PAOX: variants seen among roughly 807,000 people sequenced by gnomAD.
The protein encoded by PAOX is peroxisomal N(1)-acetyl-spermine/spermidine oxidase.
PAOX carries 38 observed loss-of-function variants against 39.0 expected under a neutral mutation model. That is an observed-to-expected ratio of 0.97 (90% CI 0.75 to 1.28). The LOEUF (loss-of-function observed/expected upper bound fraction) is 1.28. Ranked by LOEUF, PAOX falls within the 50% of genes most tolerant of loss-of-function variation. The pLI is 0.00. For synonymous variants in PAOX, 311 were observed against 314.4 expected (o/e 0.99, Z 0.11); for missense variants, 667 against 685.7 (o/e 0.97, Z 0.30).
intron 3 of PAOX, 137 bp downstream of exon 3, chr10:133,381,796 G>A: frequency 1.2e-6 from 1 of 835,716 alleles, no homozygotes; most frequent in Non-Finnish European, 1.8e-6. Flanking sequence ...ATAGGTGGAA[G>A]GAATGATTCT....
rs138148003 is a variant in PAOX, at chr10:133,391,329, G to C, written c.1410G>C (p.Ala470=). 6 of 1,613,338 alleles carry C rather than the reference G, an allele frequency of 3.7e-6. No individual in the cohort carries two copies. The highest frequency in any genetic ancestry group is 3.4e-6 in the Non-Finnish European group (4 of 1,179,906). The part of the protein sequence containing the change: ...GAGAQLQILF[A]GEATHRTFYS... ...CTTTGCAGCTCCAGATCCTGTTTGC[G>C]GGGGAAGCCACACATCGCACGTTTT... Residue 470 remains alanine, a synonymous_variant, in exon 7 of 7, where the codon GCG becomes GCC. Coordinates refer to ENST00000278060, the MANE Select transcript of PAOX (RefSeq NM_152911.4).
chr10:133,387,798 G>A (rs1052740925), intron 4 of PAOX, among the ~76,000 whole-genome samples: 2 of 152,168 alleles, frequency 1.3e-5, no homozygotes, highest in African/African-American at 4.8e-5. Context: ...TTGGCTCACC[G>A]CAACCTCCAC....
chr10:133,379,820 C>A, intron 1 of PAOX, 179 bp from the exon 2 acceptor site: 1 of 774,134 alleles, frequency 1.3e-6, no homozygotes, highest in Non-Finnish European at 1.9e-6. Flanking sequence ...GCCCTCCTGC[C>A]CAGGTGCTCC....
rs1022149653 is a variant in PAOX, at chr10:133,384,276, C to T, written c.1121+64C>T. ...TCATAGGCCTTCATCTGATGGAGGA[C>T]GCAGCAGTGTGTCTGTTCACTGCAG... On this transcript the variant is annotated intron_variant, in intron 4 of 6. Coordinates refer to ENST00000278060, the MANE Select transcript of PAOX (RefSeq NM_152911.4). The surrounding 1 kb of genome is among the most constrained non-coding windows in gnomAD (Gnocchi z 4.3). 141 of 1,581,628 alleles carry T rather than the reference C, an allele frequency of 8.9e-5. No homozygotes were observed. The highest frequency in any genetic ancestry group is 1.1e-4 in the Non-Finnish European group (126 of 1,161,386).
At chr10:133,379,855 CTGCCCTGGGGGACCACAGGGCCCT>C in intron 1 of PAOX, 120 bp from the exon 2 acceptor site, 1 of 1,139,758 alleles carries the variant, frequency 8.8e-7, no homozygotes, top group Non-Finnish European at 1.2e-6. Flanking sequence ...TGACAGGGCC[CTGCCCTGGGGGACCACAGGGCCCT>C]TGGGGACAGT....
Position 133,391,412 on chromosome 10 carries a change from G to A in PAOX, c.1493G>A (p.Ser498Asn). 6.2e-7 allele frequency: 1 copy of A among 1,612,970 alleles called. No homozygotes were observed. The highest frequency in any genetic ancestry group is 8.5e-7 in the Non-Finnish European group (1 of 1,179,982). ...SGWREADRLL[S>N]LWAPQVQQPR... ...TGGAGGGAGGCCGACCGCCTCCTCA[G>A]TCTGTGGGCCCCGCAGGTGCAGCAG... The change falls in exon 7 of 7, where the codon AGT (serine) becomes AAT (asparagine). Residue 498 changes from serine (S) to asparagine (N), a missense_variant. Physicochemically the swap from Ser to Asn is conservative, Grantham distance 46. Coordinates refer to ENST00000278060, the MANE Select transcript of PAOX (RefSeq NM_152911.4).
Position 133,389,579 on chromosome 10 carries a change from C to T in PAOX, c.1235-11C>T. 1 of 1,613,958 alleles carries T rather than the reference C, an allele frequency of 6.2e-7. No homozygotes were observed. The highest frequency in any genetic ancestry group is 8.5e-7 in the Non-Finnish European group (1 of 1,180,004). On this transcript the variant is annotated splice_polypyrimidine_tract_variant and intron_variant, in intron 5 of 6. Transcript: ENST00000278060. The stretch of plus-strand genomic sequence containing the variant: ...AGTTCTCGGTTAACATGCAGTGTCT[C>T]TGTGGCTCAGGAAACCCACGGCTCC...
chr10:133,389,363 TC>T (rs1849607228), intron 5 of PAOX, among the ~76,000 whole-genome samples: 1 of 152,122 alleles, frequency 6.6e-6, no homozygotes, highest in African/African-American at 2.4e-5. Flanking sequence ...CTGTCACAGC[TC>T]CCGGGTCCCG....
rs1849599819 is a variant in PAOX at position 133,389,047 on chromosome 10, C to G, written c.1213C>G (p.Gln405Glu). 1 of 1,613,900 alleles carries G rather than the reference C, an allele frequency of 6.2e-7. No homozygotes were observed. The highest frequency in any genetic ancestry group is 8.5e-7 in the Non-Finnish European group (1 of 1,179,764). ...SDEEVLLCLT[Q>E]VLRRVTGNPR... ...TGAAGAAGTACTTCTGTGTCTCACCCAAGTGCTCCGGAGAGTGACAGGTAG... is the reference window on the plus strand; with the variant it reads ...TGAAGAAGTACTTCTGTGTCTCACCGAAGTGCTCCGGAGAGTGACAGGTAG... The change falls in exon 5 of 7, where the codon CAA (glutamine) becomes GAA (glutamate). Residue 405 changes from glutamine (Q) to glutamate (E), a missense_variant. By Grantham distance (29) the Gln-to-Glu change is conservative. Transcript: ENST00000278060.
intron 6 of PAOX, among the ~76,000 whole-genome samples, chr10:133,390,652 G>T (rs1005356839): frequency 3.9e-5 from 6 of 152,198 alleles, no homozygotes; most frequent in Admixed American, 2.0e-4. Context: ...TCCTCAATAT[G>T]ATCCAATATT....
rs1399746423 is a variant in PAOX at position 133,391,386 on chromosome 10, A to G, written c.1467A>G (p.Gly489=). 1 of 1,613,218 alleles carries G rather than the reference A, an allele frequency of 6.2e-7. No homozygotes were observed. The highest frequency in any genetic ancestry group is 8.5e-7 in the Non-Finnish European group (1 of 1,180,036). The change falls in exon 7 of 7, where the codon GGA becomes GGG. Residue 489 remains glycine (G), a synonymous_variant. Coordinates refer to ENST00000278060, the MANE Select transcript of PAOX (RefSeq NM_152911.4). ...YSTTHGALLS[G]WREADRLLSL... Reference sequence around the variant, plus strand: ...CGACGCACGGGGCTCTGCTGTCGGGATGGAGGGAGGCCGACCGCCTCCTCA... The same window carrying G: ...CGACGCACGGGGCTCTGCTGTCGGGGTGGAGGGAGGCCGACCGCCTCCTCA...
chr10:133,390,813 A>G (rs527619744), intron 6 of PAOX: 4 of 592,078 alleles, frequency 6.8e-6, no homozygotes, highest in Admixed American at 2.9e-5. Flanking sequence ...TGCCCACCCG[A>G]CTCCCAGATC....
Position 133,380,119 on chromosome 10 carries a change from T to C in PAOX, c.302T>C (p.Leu101Pro). The C allele has an allele frequency of 6.3e-7, 1 of 1,576,916 alleles. No homozygotes were observed. The highest frequency in any genetic ancestry group is 8.6e-7 in the Non-Finnish European group (1 of 1,160,772). The change falls in exon 2 of 7, where the codon CTG becomes CCG. Residue 101 changes from leucine to proline, a missense_variant. Leu to Pro is a moderately conservative substitution (Grantham distance 98, BLOSUM62 -3). Coordinates refer to ENST00000278060, the MANE Select transcript of PAOX (RefSeq NM_152911.4). ...AAGGAGCTGTCCCAGGAGAACCAGC[T>C]GGTGGAGACCGGGGGTCACGTGGGC... Reference protein sequence around the residue: ...GEKELSQENQLVETGGHVGLP... With the variant: ...GEKELSQENQPVETGGHVGLP...
chr10:133,380,446 A>G lies in PAOX; in HGVS notation c.629A>G (p.Glu210Gly). 3.7e-6 allele frequency: 6 copies of G among 1,611,758 alleles called. No individual in the cohort carries two copies. Among genetic ancestry groups the G allele is most frequent in the Non-Finnish European group, 5.1e-6 (6 of 1,179,964 alleles). Reference sequence around the variant, plus strand: ...CTGGTGGCCCTGGCACCCTTTGGGGAGTATACCGTGCTGCCGGGGCTGGAC... The same window carrying G: ...CTGGTGGCCCTGGCACCCTTTGGGGGGTATACCGTGCTGCCGGGGCTGGAC... The part of the protein sequence containing the change: ...MDLVALAPFG[E>G]YTVLPGLDCT... Residue 210 changes from glutamate (E) to glycine (G), a missense_variant, in exon 2 of 7, where the codon GAG becomes GGG. Transcript: ENST00000278060.
At position 133,391,585 on chromosome 10, in the gene PAOX, C is replaced by T. The variant is rs1437413738; in HGVS notation, c.*130C>T. ...GTCCTCTGGTTTTTGGTAACCAGGG[C>T]CACCTTCTCAGTTCTTGTGTCTGTT... On this transcript the variant is annotated 3_prime_UTR_variant, in exon 7 of 7. Coordinates refer to ENST00000278060, the MANE Select transcript of PAOX (RefSeq NM_152911.4). The T allele has an allele frequency of 7.5e-7, 1 of 1,329,534 alleles. No homozygotes were observed. The highest frequency in any genetic ancestry group is 1.5e-5 in the African/African-American group (1 of 67,402). The allele number at this position is 1,329,534 out of a possible 1,614,324, so 82.4% of individuals were successfully genotyped here.
At chr10:133,388,399 G>C (rs758031155) in intron 4 of PAOX, among the ~76,000 whole-genome samples, 1 of 152,180 alleles carries the variant, frequency 6.6e-6, no homozygotes, top group Non-Finnish European at 1.5e-5. Flanking sequence ...TCCTGTGTTA[G>C]TTTGCTAAGG....
intron 4 of PAOX, among the ~76,000 whole-genome samples, chr10:133,385,609 A>G (rs1009808085): frequency 1.3e-5 from 2 of 152,016 alleles, no homozygotes; most frequent in Non-Finnish European, 2.9e-5. Flanking sequence ...TTTGAGATGG[A>G]GTCTCGCTCT....
intron 1 of PAOX, 97 bp from the exon 2 acceptor site, chr10:133,379,902 C>T: frequency 1.4e-6 from 2 of 1,463,086 alleles, no homozygotes; most frequent in African/African-American, 1.4e-5. Flanking sequence ...GGTACATCCT[C>T]CTTGGGAAGG....
chr10:133,380,450 T>C lies in PAOX; in HGVS notation c.633T>C (p.Tyr211=), dbSNP rs1304032300. Residue 211 remains tyrosine (Y), a synonymous_variant, in exon 2 of 7, where the codon TAT becomes TAC. Transcript: ENST00000278060. ...TGGCCCTGGCACCCTTTGGGGAGTA[T>C]ACCGTGCTGCCGGGGCTGGACTGCA... is the stretch of plus-strand genomic sequence containing the variant. The part of the protein sequence containing the change: ...DLVALAPFGE[Y]TVLPGLDCTF... 12 of 1,611,654 alleles carry C rather than the reference T, an allele frequency of 7.4e-6. No homozygotes were observed. The highest frequency in any genetic ancestry group is 9.3e-6 in the Non-Finnish European group (11 of 1,179,986).
Sources: allele counts gnomAD v4.1 joint callset (sites outside exome capture counted in the v4.1 genomes callset), GRCh38; gene constraint gnomAD v4.1.1; non-coding constraint Gnocchi (gnomAD v3.1); transcripts MANE v1.5; gene names NCBI Gene and HGNC (gene_info 2026-07-23, HGNC 2026-07-21).